Variants in AMN1 observed in about 807,000 individuals in gnomAD.
AMN1 encodes protein AMN1 homolog.
A neutral mutation model predicts 33.0 loss-of-function variants in AMN1; 20 were observed. The ratio of observed to expected loss-of-function variants is 0.61; its 90% CI spans 0.43 to 0.88. AMN1 has a LOEUF of 0.88. AMN1 is among the 40% of genes least tolerant of loss of function. The pLI, the probability that AMN1 is intolerant of heterozygous loss-of-function variation, is 0.00. For missense variants in AMN1, 246 were observed against 307.4 expected, an observed-to-expected ratio of 0.80 and a Z score of 1.49; for synonymous variants, 114 against 111.9, an observed-to-expected ratio of 1.02 and a Z score of -0.12.
chr12:31,711,698 T>G (rs1939472870), intron 1 of AMN1, among the ~76,000 whole-genome samples: 1 of 152,188 alleles, frequency 6.6e-6, no homozygotes, highest in Admixed American at 6.5e-5. Context: ...ACCTTAAATA[T>G]TTATCTTTTG....
At chr12:31,703,909 C>T (rs538439383) in intron 2 of AMN1, among the ~76,000 whole-genome samples, 122 of 152,260 alleles carry the variant, frequency 8.0e-4, no homozygotes, top group African/African-American at 2.8e-3. Flanking sequence ...CTATGATTGC[C>T]ATCAAGCTCA....
chr12:31,697,404 C>A lies in AMN1; in HGVS notation c.548G>T (p.Gly183Val). ...AGGTCCACTAACAAGTGCAATCACA[C>A]CACTGTCAGATACCTAAGCAAAGGG... ...DFSATQVSDS[G>V]VIALVSGPCA... The change falls in exon 5 of 7, where the codon GGT (glycine) becomes GTT (valine). Residue 183 changes from glycine (G) to valine (V), a missense_variant. Physicochemically the swap from Gly to Val is moderately radical, Grantham distance 109 (BLOSUM62 -3). Transcript: ENST00000281471. 6.2e-7 allele frequency: 1 copy of A among 1,613,156 alleles called. No individual in the cohort carries two copies. Among genetic ancestry groups the A allele is most frequent in the Non-Finnish European group, 8.5e-7 (1 of 1,179,460 alleles).
intron 1 of AMN1, among the ~76,000 whole-genome samples, chr12:31,722,256 G>A (rs74085201): frequency 2.0e-5 from 3 of 151,808 alleles, no homozygotes; most frequent in African/African-American, 7.3e-5. Context: ...TTCAACCAAC[G>A]CCAGTCACAC....
At chr12:31,701,127 G>A (rs1938979755) in intron 3 of AMN1, among the ~76,000 whole-genome samples, 1 of 151,950 alleles carries the variant, frequency 6.6e-6, no homozygotes, top group Admixed American at 6.6e-5. Context: ...AGCCTCCCAA[G>A]TAGCTGGGAT....
At chr12:31,692,549 C>T (rs1264139463) in intron 5 of AMN1, among the ~76,000 whole-genome samples, 1 of 151,702 alleles carries the variant, frequency 6.6e-6, no homozygotes, top group Middle Eastern at 3.2e-3. Context: ...ATTGCATACT[C>T]ATAGCATAAC....
At chr12:31,724,738 C>T (rs1282212394) in intron 1 of AMN1, among the ~76,000 whole-genome samples, 3 of 152,208 alleles carry the variant, frequency 2.0e-5, no homozygotes, top group Admixed American at 1.3e-4. Flanking sequence ...CTTTAGTATG[C>T]TCTTCTCTGA....
In AMN1 at chr12:31,672,337, G is replaced by C. The variant is rs578248025; in HGVS notation, c.744C>G (p.Asn248Lys). 1.9e-6 allele frequency: 3 copies of C among 1,579,978 alleles called. No homozygotes were observed. The highest frequency in any genetic ancestry group is 2.6e-6 in the Non-Finnish European group (3 of 1,161,032). ...CAGTCCATGTCACTTGCTTTAGTTT[G>C]TTTGGGCCTACTAATTGCTCCAACA... ...REVLEQLVGP[N>K]KLKQVTWTVY Residue 248 changes from asparagine (N) to lysine (K), a missense_variant, in exon 7 of 7, where the codon AAC becomes AAG. Transcript: ENST00000281471.
intron 6 of AMN1, among the ~76,000 whole-genome samples, chr12:31,681,846 A>T (rs1019828495): frequency 6.6e-6 from 1 of 151,986 alleles, no homozygotes; most frequent in African/African-American, 2.4e-5. Flanking sequence ...CAGCTAATTA[A>T]AACAATTTTT....
intron 6 of AMN1, among the ~76,000 whole-genome samples, chr12:31,675,255 G>A (rs1038152034): frequency 1.3e-5 from 2 of 151,450 alleles, no homozygotes; most frequent in African/African-American, 2.4e-5. Context: ...CTGTCTCTGC[G>A]AAAGAAATTT....
intron 5 of AMN1, among the ~76,000 whole-genome samples, chr12:31,695,061 A>G (rs969255606): frequency 6.6e-6 from 1 of 152,248 alleles, no homozygotes; most frequent in African/African-American, 2.4e-5. Context: ...GCACTTTGGA[A>G]TAATCTTTGG....
chr12:31,722,244 T>G (rs1939905861), intron 1 of AMN1, among the ~76,000 whole-genome samples: 1 of 152,154 alleles, frequency 6.6e-6, no homozygotes, highest in East Asian at 1.9e-4. Flanking sequence ...TGTTCCAGTC[T>G]GTTCAACCAA....
intron 5 of AMN1, among the ~76,000 whole-genome samples, chr12:31,689,588 G>C (rs1239029337): frequency 1.3e-5 from 2 of 152,132 alleles, no homozygotes; most frequent in African/African-American, 4.8e-5. Context: ...CAGTATGGTA[G>C]TATCTTATAA....
chr12:31,711,677 G>A (rs1348550110), intron 1 of AMN1, among the ~76,000 whole-genome samples: 1 of 152,018 alleles, frequency 6.6e-6, no homozygotes, highest in East Asian at 1.9e-4. Context: ...AGGGTAACTG[G>A]GTTATCCATC....
rs75526115 is a variant in AMN1 at position 31,716,795 on chromosome 12, C to T, written c.39-7370G>A. ...TTCCCCCATTCCGTGGATTGCCTTTCCACTTTCTTAATCATGTCTTTTGCT... is the reference window on the plus strand; with the variant it reads ...TTCCCCCATTCCGTGGATTGCCTTTTCACTTTCTTAATCATGTCTTTTGCT... On this transcript the variant is annotated intron_variant, in intron 1 of 6. Transcript: ENST00000281471. Among the ~76,000 whole-genome samples the T allele has an allele frequency of 3.9e-3, 590 of 152,258 alleles. 1 individual carries two copies. Among genetic ancestry groups the T allele is most frequent in the Non-Finnish European group, 6.2e-3 (419 of 68,014 alleles).
chr12:31,703,068 C>T (rs1186187796), intron 2 of AMN1, among the ~76,000 whole-genome samples: 4 of 152,136 alleles, frequency 2.6e-5, no homozygotes, highest in Non-Finnish European at 5.9e-5. Flanking sequence ...CTCTCTCTCT[C>T]TCTTTCCACT....
chr12:31,672,656 G>C (rs114316738), intron 6 of AMN1: 98 of 293,460 alleles, frequency 3.3e-4, no homozygotes, highest in African/African-American at 2.1e-3. Context: ...CCACCAACCA[G>C]AGTAATGGTC....
chr12:31,722,139 A>G (rs1939899904), intron 1 of AMN1, among the ~76,000 whole-genome samples: 1 of 45,658 alleles, frequency 2.2e-5, no homozygotes, highest in African/African-American at 5.4e-5. Flanking sequence ...TGACACACAC[A>G]CACACACACA....
At chr12:31,679,137 G>A (rs771856337) in intron 6 of AMN1, among the ~76,000 whole-genome samples, 32 of 151,884 alleles carry the variant, frequency 2.1e-4, no homozygotes, top group East Asian at 3.9e-4. Context: ...GCGAAACCCC[G>A]TCTCTATTTA....
At chr12:31,672,578 T>G (rs1951302728) in intron 6 of AMN1, 2 of 466,672 alleles carry the variant, frequency 4.3e-6, no homozygotes, top group Admixed American at 7.1e-5. Flanking sequence ...AGTGCACCTA[T>G]CATGGTATTA....
Sources: gnomAD v4.1 joint callset for allele counts (sites outside exome capture counted in the v4.1 genomes callset) on GRCh38, gnomAD v4.1.1 for gene constraint, MANE v1.5 for transcripts, NCBI Gene and HGNC (gene_info 2026-07-23, HGNC 2026-07-21) for gene names.